Variants in TRAPPC9 observed in about 807,000 individuals in gnomAD.
The protein encoded by TRAPPC9 is IKK2 binding protein.
A neutral mutation model predicts 124.0 loss-of-function variants in TRAPPC9; 83 were observed. That is an observed-to-expected ratio of 0.67 (90% CI 0.56 to 0.80). TRAPPC9 has a LOEUF of 0.80. Among genes scored for constraint, TRAPPC9 ranks in the 30% least tolerant of loss-of-function variants. The pLI is 0.00. For missense variants in TRAPPC9, 1,302 were observed against 1,508.3 expected (o/e 0.86, Z 2.27); for synonymous variants, 638 against 617.5 (o/e 1.03, Z -0.49).
intron 8 of TRAPPC9, among the ~76,000 whole-genome samples, chr8:140,365,309 G>A (rs2068077207): frequency 6.6e-6 from 1 of 152,132 alleles, no homozygotes; most frequent in Admixed American, 6.5e-5. Flanking sequence ...ATGGCGTCCT[G>A]TGCTCCCACC....
At position 140,382,160 on chromosome 8, in the gene TRAPPC9, G is replaced by A. The variant is rs546043893; in HGVS notation, c.1135-10980C>T. Among the ~76,000 whole-genome samples, 163 of 152,290 alleles carry A rather than the reference G, an allele frequency of 1.1e-3. 1 individual carries two copies. The highest frequency in any genetic ancestry group is 2.8e-3 in the African/African-American group (115 of 41,562). ...TGGCCATAAGAAGGAATGAAGTGGC[G>A]GTTCCAAGATGGCCGAATAGGAACA... On this transcript the variant is annotated intron_variant, in intron 7 of 22. Transcript: ENST00000438773.
intron 21 of TRAPPC9, among the ~76,000 whole-genome samples, chr8:139,867,156 A>G (rs1828601230): frequency 6.6e-6 from 1 of 152,180 alleles, no homozygotes; most frequent in Non-Finnish European, 1.5e-5. Flanking sequence ...TTTTCATTAG[A>G]GGGAATCAAG....
intron 21 of TRAPPC9, among the ~76,000 whole-genome samples, chr8:139,767,746 C>T (rs138518677): frequency 0.012 from 1,801 of 152,342 alleles, 35 homozygotes; most frequent in African/African-American, 0.041. Context: ...CGTGGCAAGG[C>T]GCCAGGCCTC....
intron 7 of TRAPPC9, among the ~76,000 whole-genome samples, chr8:140,380,259 A>G (rs2068562489): frequency 6.6e-6 from 1 of 152,188 alleles, no homozygotes; most frequent in South Asian, 2.1e-4. Flanking sequence ...AATGGAATAG[A>G]AAAAAAATTA....
intron 17 of TRAPPC9, among the ~76,000 whole-genome samples, chr8:140,207,213 C>T (rs1587924053): frequency 1.3e-5 from 2 of 152,214 alleles, no homozygotes; most frequent in South Asian, 4.1e-4. Context: ...AACCCGTCCA[C>T]TCTAACAAAG....
chr8:140,362,898 G>A (rs576571070), intron 8 of TRAPPC9, among the ~76,000 whole-genome samples: 4 of 152,292 alleles, frequency 2.6e-5, no homozygotes, highest in South Asian at 2.1e-4. Flanking sequence ...TACCACGGGC[G>A]ATTATGAGTA....
intron 21 of TRAPPC9, among the ~76,000 whole-genome samples, chr8:139,789,750 G>A (rs1198711765): frequency 6.6e-6 from 1 of 152,180 alleles, no homozygotes; most frequent in Admixed American, 6.5e-5. Flanking sequence ...CCCAGGGGAA[G>A]GCCAGGTAGG....
In TRAPPC9 at chr8:140,075,197, A is replaced by C. The variant is rs191548797; in HGVS notation, c.2557-51118T>G. The stretch of plus-strand genomic sequence containing the variant: ...CTTTGCCTTCTAGGCCCTGCGTCTT[A>C]TAAAATGGAGTTACCGACACCTACC... On this transcript the variant is annotated intron_variant, in intron 17 of 22. Coordinates refer to ENST00000438773, the MANE Select transcript of TRAPPC9 (RefSeq NM_001160372.4). Among the ~76,000 whole-genome samples the C allele has an allele frequency of 1.8e-4, 28 of 152,346 alleles. No homozygotes were observed. The South Asian group carries it at 2.3e-3, about 12-fold the overall frequency.
chr8:139,942,183 C>A (rs564576593), intron 19 of TRAPPC9, among the ~76,000 whole-genome samples: 2 of 152,190 alleles, frequency 1.3e-5, no homozygotes, highest in Non-Finnish European at 2.9e-5. Flanking sequence ...GGGGCGGCCA[C>A]GTAGCAACCC....
At chr8:140,307,999 GA>G (rs1158578117) in intron 10 of TRAPPC9, among the ~76,000 whole-genome samples, 2 of 152,076 alleles carry the variant, frequency 1.3e-5, no homozygotes, top group Non-Finnish European at 2.9e-5. Flanking sequence ...AACTTACAAA[GA>G]AAGTATAGTC....
chr8:139,791,926 C>T (rs140465053), intron 21 of TRAPPC9, among the ~76,000 whole-genome samples: 2,171 of 152,270 alleles, frequency 0.014, 35 homozygotes, highest in Middle Eastern at 0.034. Context: ...AGGAGCCCCT[C>T]GACAAGGATT....
At chr8:140,271,583 A>G (rs762279164) in intron 15 of TRAPPC9, among the ~76,000 whole-genome samples, 15 of 152,210 alleles carry the variant, frequency 9.9e-5, no homozygotes, top group African/African-American at 3.4e-4. Context: ...AATGGGGGAA[A>G]AAAGGGCAAA....
chr8:139,840,562 A>G (rs1826659245), intron 21 of TRAPPC9, among the ~76,000 whole-genome samples: 1 of 152,216 alleles, frequency 6.6e-6, no homozygotes, highest in Non-Finnish European at 1.5e-5. Flanking sequence ...GTGTTCCTGG[A>G]GAACAGACCA....
In TRAPPC9 at chr8:139,732,192, C is replaced by T; in HGVS notation, c.3066G>A (p.Val1022=). The T allele has an allele frequency of 6.3e-7, 1 of 1,591,198 alleles. No individual in the cohort carries two copies. The highest frequency in any genetic ancestry group is 1.1e-5 in the South Asian group (1 of 89,218). Residue 1022 remains valine, a synonymous_variant, in exon 22 of 23, where the codon GTG becomes GTA. Coordinates refer to ENST00000438773, the MANE Select transcript of TRAPPC9 (RefSeq NM_001160372.4). ...QLAPLQWDVL[V]DGQPCDREAV... ...CCTCGCGGTCACATGGCTGTCCGTC[C>T]ACCAGCACATCTGTAAGGGACACGA...
chr8:139,950,529 C>T (rs1455230506), intron 19 of TRAPPC9, among the ~76,000 whole-genome samples: 2 of 152,164 alleles, frequency 1.3e-5, no homozygotes, highest in African/African-American at 4.8e-5. Flanking sequence ...ACCAGTTGGC[C>T]GAGTTGTGAC....
chr8:139,901,966 G>GCCATAT (rs1179956259), intron 20 of TRAPPC9, among the ~76,000 whole-genome samples: 1 of 152,184 alleles, frequency 6.6e-6, no homozygotes, highest in African/African-American at 2.4e-5. Flanking sequence ...TCTAGTAAGT[G>GCCATAT]CCATATGGGT....
At chr8:139,959,886 C>T (rs1395611771) in intron 19 of TRAPPC9, among the ~76,000 whole-genome samples, 1 of 152,212 alleles carries the variant, frequency 6.6e-6, no homozygotes, top group African/African-American at 2.4e-5. Flanking sequence ...TCAGACCACA[C>T]AAGACCCAGG....
intron 21 of TRAPPC9, among the ~76,000 whole-genome samples, chr8:139,870,077 C>T (rs905757009): frequency 6.6e-6 from 1 of 152,108 alleles, no homozygotes; most frequent in African/African-American, 2.4e-5. Context: ...AAAGCTAGAA[C>T]GACTACAAGG....
chr8:139,810,084 C>T (rs1008376797), intron 21 of TRAPPC9, among the ~76,000 whole-genome samples: 2 of 152,206 alleles, frequency 1.3e-5, no homozygotes, highest in Non-Finnish European at 2.9e-5. Context: ...CTGTTCCCTC[C>T]TGAAACCCAC....
Sources: allele counts gnomAD v4.1 joint callset (sites outside exome capture counted in the v4.1 genomes callset), GRCh38; gene constraint gnomAD v4.1.1; transcripts MANE v1.5; gene names NCBI Gene and HGNC (gene_info 2026-07-23, HGNC 2026-07-21).